The following OCM variants were observed in gnomAD, a reference collection of about 807,000 sequenced individuals.
OCM encodes the protein oncomodulin.
A neutral mutation model predicts 14.1 loss-of-function variants in OCM; 18 were observed. That is an observed-to-expected ratio of 1.28 (90% CI 0.88 to 1.89). The LOEUF is 1.89. Ranked by LOEUF, OCM falls within the 40% of genes most tolerant of loss-of-function variation. OCM has a pLI of 0.00. For missense variants in OCM, 140 were observed against 137.6 expected, an observed-to-expected ratio of 1.02 and a Z score of -0.09; for synonymous variants, 48 against 51.0, an observed-to-expected ratio of 0.94 and a Z score of 0.25.
the OCM span, among the ~76,000 whole-genome samples, chr7:5,866,386 A>G: frequency 1.9e-5 from 1 of 51,642 alleles, no homozygotes; most frequent in African/African-American, 2.5e-4. Flanking sequence ...GGAAAGGAGG[A>G]AGAGAGGAAG....
chr7:5,872,633 T>C, the OCM span, among the ~76,000 whole-genome samples: 1 of 152,024 alleles, frequency 6.6e-6, no homozygotes. Flanking sequence ...TAAAAATGGA[T>C]GATGGGGCAA....
chr7:5,882,474 C>A lies in OCM; in HGVS notation c.62-19C>A. On this transcript the variant is annotated intron_variant, in intron 1 of 3. Transcript: ENST00000242104. ...TGTGATCCAACAAGCGTCAGAATAA[C>A]CAATTCTCTGTTCTTCAGACCCAGA... The A allele has an allele frequency of 6.2e-7, 1 of 1,613,478 alleles. No individual in the cohort carries two copies. Among genetic ancestry groups the A allele is most frequent in the Middle Eastern group, 1.7e-4 (1 of 6,052 alleles).
the OCM span, among the ~76,000 whole-genome samples, chr7:5,860,921 G>A: frequency 2.0e-5 from 3 of 151,282 alleles, no homozygotes; most frequent in South Asian, 6.3e-4. Context: ...TTGATTTAGT[G>A]ACCACAGAGT....
chr7:5,865,114 A>AC, the OCM span, among the ~76,000 whole-genome samples: 2 of 151,938 alleles, frequency 1.3e-5, no homozygotes, highest in South Asian at 4.1e-4. Context: ...TGACCCAGTC[A>AC]CCCGATCCAG....
upstream of OCM, among the ~76,000 whole-genome samples, chr7:5,877,645 C>A (rs1781120981): frequency 1.3e-5 from 2 of 151,052 alleles, no homozygotes; most frequent in Admixed American, 1.3e-4. Flanking sequence ...ATGGTGAAAC[C>A]CTCATCTCTA....
chr7:5,879,331 T>A (rs941974403), upstream of OCM, among the ~76,000 whole-genome samples: 2 of 152,134 alleles, frequency 1.3e-5, no homozygotes, highest in Non-Finnish European at 2.9e-5. Flanking sequence ...TGTGTGCAAT[T>A]TATGGTATAG....
At position 5,882,591 on chromosome 7, in the gene OCM, G is replaced by A. The variant is rs779214564; in HGVS notation, c.160G>A (p.Asp54Asn). ...VKDVFRFIDN[D>N]QSGYLDEEEL... ...GGATGTTTTCCGGTTCATAGACAAC[G>A]ACCAGAGCGGGTACCTGGATGAAGA... The change falls in exon 2 of 4, where the codon GAC becomes AAC. Residue 54 changes from aspartate (D) to asparagine (N), a missense_variant. Coordinates refer to ENST00000242104, the MANE Select transcript of OCM (RefSeq NM_001097622.2). 4.3e-5 allele frequency: 70 copies of A among 1,613,886 alleles called. No homozygotes were observed. The highest frequency in any genetic ancestry group is 9.9e-5 in the South Asian group (9 of 91,076).
At chr7:5,860,681 CGT>C in the OCM span, among the ~76,000 whole-genome samples, 4 of 93,036 alleles carry the variant, frequency 4.3e-5, no homozygotes, top group African/African-American at 1.0e-4. Flanking sequence ...TGTATATATA[CGT>C]GTGTATATAT....
chr7:5,864,049 C>A, the OCM span, among the ~76,000 whole-genome samples: 1 of 151,522 alleles, frequency 6.6e-6, no homozygotes, highest in Non-Finnish European at 1.5e-5. Flanking sequence ...ACAAGGGGGG[C>A]AAAGAGGGGG....
chr7:5,862,733 A>C, the OCM span, among the ~76,000 whole-genome samples: 2 of 151,864 alleles, frequency 1.3e-5, no homozygotes, highest in African/African-American at 4.8e-5. Flanking sequence ...AATGCATCAC[A>C]GACTCTACTC....
chr7:5,862,189 G>A, the OCM span, among the ~76,000 whole-genome samples: 2 of 152,104 alleles, frequency 1.3e-5, no homozygotes, highest in Non-Finnish European at 2.9e-5. Flanking sequence ...TTTGTATTGT[G>A]AAAGAAGGTA....
the OCM span, among the ~76,000 whole-genome samples, chr7:5,866,867 A>G: frequency 6.6e-6 from 1 of 152,144 alleles, no homozygotes; most frequent in African/African-American, 2.4e-5. Context: ...CGCTCCCACA[A>G]TTGTGTAAGG....
At chr7:5,866,123 C>A in the OCM span, among the ~76,000 whole-genome samples, 2 of 151,472 alleles carry the variant, frequency 1.3e-5, no homozygotes, top group African/African-American at 4.9e-5. Context: ...GAGCTGAACA[C>A]CAGCCTGGGC....
chr7:5,875,122 T>G (rs1210992955), upstream of OCM, among the ~76,000 whole-genome samples: 1 of 151,410 alleles, frequency 6.6e-6, no homozygotes, highest in African/African-American at 2.4e-5. Flanking sequence ...TGGCACAAAC[T>G]TGGCTCACTG....
chr7:5,880,306 C>G (rs761359912), upstream of OCM, among the ~76,000 whole-genome samples: 1 of 151,924 alleles, frequency 6.6e-6, no homozygotes, highest in Admixed American at 6.6e-5. Context: ...TATAAGAAAA[C>G]AATTGAATCC....
chr7:5,873,841 A>C, the OCM span, among the ~76,000 whole-genome samples: 1 of 151,976 alleles, frequency 6.6e-6, no homozygotes, highest in African/African-American at 2.4e-5. Context: ...AGAACATGAA[A>C]GTGGGTCCAC....
chr7:5,882,379 C>T (rs890335658), intron 1 of OCM, 114 bp from the exon 2 acceptor site: 44 of 1,260,642 alleles, frequency 3.5e-5, no homozygotes, highest in Middle Eastern at 1.9e-4. Context: ...TGAGCATCCC[C>T]GTAGCTCAGG....
chr7:5,870,972 C>T, the OCM span, among the ~76,000 whole-genome samples: 8 of 151,922 alleles, frequency 5.3e-5, no homozygotes, highest in Admixed American at 3.9e-4. Flanking sequence ...CCGCAACCTC[C>T]ACCTTCCGGG....
upstream of OCM, among the ~76,000 whole-genome samples, chr7:5,880,255 C>T (rs1416798968): frequency 2.6e-5 from 4 of 152,136 alleles, no homozygotes; most frequent in South Asian, 4.1e-4. Flanking sequence ...ACATGGTTTA[C>T]GGCTGCCTAT....
Sources: allele counts gnomAD v4.1 joint callset (sites outside exome capture counted in the v4.1 genomes callset), GRCh38; gene constraint gnomAD v4.1.1; transcripts MANE v1.5; gene names NCBI Gene and HGNC (gene_info 2026-07-23, HGNC 2026-07-21).